PNPLA7: variants seen among roughly 807,000 people sequenced by gnomAD.
The protein encoded by PNPLA7 is patatin-like phospholipase domain-containing protein 7.
In PNPLA7, 153 loss-of-function variants were observed where a neutral mutation model predicts 161.7. The ratio of observed to expected loss-of-function variants is 0.95; its 90% CI spans 0.83 to 1.08. The LOEUF (loss-of-function observed/expected upper bound fraction) is 1.08, where lower values mean the gene tolerates loss of function less well. Among genes scored for constraint, PNPLA7 ranks in the 50% least tolerant of loss-of-function variants. The pLI, the probability that PNPLA7 is intolerant of heterozygous loss-of-function variation, is 0.00. For missense variants in PNPLA7, 1,739 were observed against 1,856.6 expected (o/e 0.94, Z 1.16); for synonymous variants, 809 against 782.1 (o/e 1.03, Z -0.57).
rs1836116836 is a variant in PNPLA7 at position 137,540,205 on chromosome 9, A to G, written c.747+437T>C. ...ATGGACACAGGAAACCATTCACTGC[A>G]ACGACGAAAAGCAAAAGACTGGGAG... On this transcript the variant is annotated intron_variant, in intron 8 of 34. Coordinates refer to ENST00000406427, the MANE Select transcript of PNPLA7 (RefSeq NM_001098537.3). This position sits in a 1 kb window ranked among gnomAD's most constrained non-coding sequence, Gnocchi z 5.1. Among the ~76,000 whole-genome samples, 1 of 152,180 alleles carries G rather than the reference A, an allele frequency of 6.6e-6. No homozygotes were observed. The highest frequency in any genetic ancestry group is 1.5e-5 in the Non-Finnish European group (1 of 68,040).
chr9:137,538,558 C>T (rs980497532), intron 8 of PNPLA7, among the ~76,000 whole-genome samples: 2 of 152,174 alleles, frequency 1.3e-5, no homozygotes, highest in African/African-American at 4.8e-5. Context: ...CTAACAAAGT[C>T]TAGAGAAACT....
chr9:137,478,957 G>T, intron 24 of PNPLA7, 99 bp downstream of exon 24: 1 of 1,383,300 alleles, frequency 7.2e-7, no homozygotes. Context: ...CAGGAGCGCA[G>T]GTGTCAGGGA....
At chr9:137,493,835 C>T (rs1218469553) in intron 19 of PNPLA7, among the ~76,000 whole-genome samples, 3 of 152,250 alleles carry the variant, frequency 2.0e-5, no homozygotes, top group Non-Finnish European at 4.4e-5. Flanking sequence ...AGCCTGCTGG[C>T]CCTGTGAGCT....
At chr9:137,496,397 A>G (rs62590178) in intron 18 of PNPLA7, among the ~76,000 whole-genome samples, 73,055 of 151,752 alleles carry the variant, frequency 0.48, 18,068 homozygotes, top group East Asian at 0.62. Flanking sequence ...GTGAGCCACC[A>G]CACCTGGCCA....
Position 137,542,624 on chromosome 9 carries a change from C to A in PNPLA7, c.666+18G>T. 3 of 1,572,388 alleles carry A rather than the reference C, an allele frequency of 1.9e-6. No individual in the cohort carries two copies. The highest frequency in any genetic ancestry group is 2.6e-6 in the Non-Finnish European group (3 of 1,152,290). On this transcript the variant is annotated intron_variant, in intron 7 of 34. Coordinates refer to ENST00000406427, the MANE Select transcript of PNPLA7 (RefSeq NM_001098537.3). The stretch of plus-strand genomic sequence containing the variant: ...AATGCGCAGCCGCCTGACCCCGCCC[C>A]GCCGCCCTGCGACTCACAGTGTCCT...
At position 137,523,253 on chromosome 9, in the gene PNPLA7, AC is replaced by A. The variant is rs1019729156; in HGVS notation, c.748-397del. Among the ~76,000 whole-genome samples, 1 of 151,940 alleles carries A rather than the reference AC, an allele frequency of 6.6e-6. No homozygotes were observed. Among genetic ancestry groups the A allele is most frequent in the Non-Finnish European group, 1.5e-5 (1 of 67,946 alleles). On this transcript the variant is annotated intron_variant, in intron 8 of 34. Coordinates refer to ENST00000406427, the MANE Select transcript of PNPLA7 (RefSeq NM_001098537.3). The surrounding 1 kb of genome is among the most constrained non-coding windows in gnomAD (Gnocchi z 4.4). The stretch of plus-strand genomic sequence containing the variant: ...TCGCCAAAGGGCGTGCCAGACACCA[AC>A]CTGAGCGGGCTTCCTAAAAAGGCCA...
rs556869876 is a variant in PNPLA7 at position 137,546,652 on chromosome 9, G to A, written c.273+178C>T. Among the ~76,000 whole-genome samples the A allele has an allele frequency of 4.1e-4, 62 of 152,242 alleles. No homozygotes were observed. In the South Asian group the frequency reaches 0.011, roughly 26 times the overall value. ...CAGCTGGAGGAAGCAGACACCATTC[G>A]GCACAATTTATAATTTCCCCCAAAC... On this transcript the variant is annotated intron_variant, in intron 4 of 34. Transcript: ENST00000406427.
chr9:137,462,145 C>T, intron 31 of PNPLA7, 34 bp downstream of exon 31: 1 of 1,541,646 alleles, frequency 6.5e-7, no homozygotes, highest in Non-Finnish European at 8.8e-7. Flanking sequence ...AGTGCCTCCG[C>T]CCGCCTCCGC....
chr9:137,501,232 C>T lies in PNPLA7; in HGVS notation c.1552-336G>A, dbSNP rs532495138. Among the ~76,000 whole-genome samples the T allele has an allele frequency of 1.7e-3, 263 of 152,304 alleles. 1 individual carries two copies. Among genetic ancestry groups the T allele is most frequent in the Non-Finnish European group, 3.0e-3 (206 of 68,012 alleles). On this transcript the variant is annotated intron_variant, in intron 15 of 34. Transcript: ENST00000406427. Reference sequence around the variant, plus strand: ...GTGCACGGGGGGTCCCATGCCGCCTCGCCTGGGGCCTGGCCTCTGAGGGGT... The same window carrying T: ...GTGCACGGGGGGTCCCATGCCGCCTTGCCTGGGGCCTGGCCTCTGAGGGGT...
At chr9:137,519,861 G>T in intron 11 of PNPLA7, 56 bp downstream of exon 11, 2 of 1,568,512 alleles carry the variant, frequency 1.3e-6, no homozygotes, top group Non-Finnish European at 8.7e-7. Context: ...GGCAGTGGGA[G>T]CAGGATCCCC....
chr9:137,480,892 A>G (rs1441678656), intron 22 of PNPLA7, 68 bp downstream of exon 22: 7 of 1,472,626 alleles, frequency 4.8e-6, no homozygotes, highest in Non-Finnish European at 1.9e-6. Context: ...ATGTGGACAC[A>G]GTGGGGACAC....
chr9:137,516,313 CG>C (rs1209082067), intron 11 of PNPLA7: 1 of 983,834 alleles, frequency 1.0e-6, no homozygotes, highest in East Asian at 1.2e-4. Context: ...TCAGGTGAAA[CG>C]AGGAAGGAGC....
At chr9:137,526,151 C>T (rs1266314347) in intron 8 of PNPLA7, among the ~76,000 whole-genome samples, 1 of 152,176 alleles carries the variant, frequency 6.6e-6, no homozygotes, top group Non-Finnish European at 1.5e-5. Flanking sequence ...CAGCTCGTGC[C>T]CTCGGTCTCT....
At chr9:137,494,479 G>A (rs1365021020) in intron 19 of PNPLA7, among the ~76,000 whole-genome samples, 1 of 152,120 alleles carries the variant, frequency 6.6e-6, no homozygotes, top group Non-Finnish European at 1.5e-5. Flanking sequence ...TAGGTAGACC[G>A]AATGATCACC....
chr9:137,534,507 C>T (rs1835783054), intron 8 of PNPLA7, among the ~76,000 whole-genome samples: 1 of 152,246 alleles, frequency 6.6e-6, no homozygotes, highest in African/African-American at 2.4e-5. Flanking sequence ...ACTCCTCCCC[C>T]TCCTCCAACC....
rs543032876 is a variant in PNPLA7, at chr9:137,527,920, C to T, written c.748-5063G>A. Among the ~76,000 whole-genome samples, 40 of 152,266 alleles carry T rather than the reference C, an allele frequency of 2.6e-4. 1 individual carries two copies. Among genetic ancestry groups the T allele is most frequent in the African/African-American group, 7.9e-4 (33 of 41,554 alleles). On this transcript the variant is annotated intron_variant, in intron 8 of 34. Coordinates refer to ENST00000406427, the MANE Select transcript of PNPLA7 (RefSeq NM_001098537.3). ...GTGGGAAGGATTTTAGCTACAGATT[C>T]GATTTCTTTAGTAGTAGCCATTCAG...
chr9:137,464,493 C>T (rs1831375865), intron 26 of PNPLA7, 37 bp from the exon 27 acceptor site: 1 of 1,577,514 alleles, frequency 6.3e-7, no homozygotes, highest in Non-Finnish European at 8.7e-7. Context: ...AGGCTTCCAC[C>T]CTCCCTGCGG....
At chr9:137,518,045 C>G (rs1464831963) in intron 11 of PNPLA7, among the ~76,000 whole-genome samples, 1 of 121,190 alleles carries the variant, frequency 8.3e-6, no homozygotes, top group African/African-American at 3.8e-5. Flanking sequence ...TCCACTCCAT[C>G]CCCCACTCAC....
At position 137,499,341 on chromosome 9, in the gene PNPLA7, C is replaced by T. The variant is rs967168535; in HGVS notation, c.1758-1096G>A. ...ACACACAGAGACACACGCAGACACA[C>T]GACACACGCAGACACACAGATAGAC... On this transcript the variant is annotated intron_variant, in intron 16 of 34. Transcript: ENST00000406427. The surrounding 1 kb of genome is among the most constrained non-coding windows in gnomAD (Gnocchi z 5.5). Among the ~76,000 whole-genome samples, 19 of 151,638 alleles carry T rather than the reference C, an allele frequency of 1.3e-4. No homozygotes were observed. Among genetic ancestry groups the T allele is most frequent in the South Asian group, 2.1e-4 (1 of 4,772 alleles).
Sources: gnomAD v4.1 joint callset for allele counts (sites outside exome capture counted in the v4.1 genomes callset) on GRCh38, gnomAD v4.1.1 for gene constraint, Gnocchi (gnomAD v3.1) non-coding constraint, MANE v1.5 for transcripts, NCBI Gene and HGNC (gene_info 2026-07-23, HGNC 2026-07-21) for gene names.